TTC21B: variants seen among roughly 807,000 people sequenced by gnomAD.
The protein encoded by TTC21B is tetratricopeptide repeat protein 21B.
Under a neutral mutation model 175.1 loss-of-function variants are expected in TTC21B, and 127 were observed. The ratio of observed to expected loss-of-function variants is 0.73; its 90% CI spans 0.63 to 0.84. The LOEUF (loss-of-function observed/expected upper bound fraction) is 0.84, where lower values mean the gene tolerates loss of function less well. Ranked by LOEUF, TTC21B falls within the 40% of genes least tolerant of loss-of-function variation. The probability of loss-of-function intolerance (pLI) is 0.00; values close to 1 mark genes in which losing one functional copy is unlikely to be tolerated. For missense variants in TTC21B, 1,561 were observed against 1,558.3 expected (o/e 1.00, Z -0.03); for synonymous variants, 524 against 524.5 (o/e 1.00, Z 0.01).
At chr2:165,879,817 G>A (rs1474766526) in intron 27 of TTC21B, 5 of 151,992 alleles carry the variant, frequency 3.3e-5, no homozygotes, top group Non-Finnish European at 7.4e-5. Context: ...CACAGTTTGG[G>A]AAACACTATT....
At chr2:165,900,711 T>A (rs1165930946) in intron 20 of TTC21B, among the ~76,000 whole-genome samples, 1 of 152,138 alleles carries the variant, frequency 6.6e-6, no homozygotes, top group East Asian at 1.9e-4. Flanking sequence ...TAAATCCAGG[T>A]ATTTGTGATT....
At chr2:165,900,492 A>G (rs1685523110) in intron 20 of TTC21B, among the ~76,000 whole-genome samples, 1 of 152,210 alleles carries the variant, frequency 6.6e-6, no homozygotes, top group Non-Finnish European at 1.5e-5. Context: ...AATCTCTCCA[A>G]ATCCTCTCAG....
intron 6 of TTC21B, among the ~76,000 whole-genome samples, chr2:165,936,639 A>T (rs1687159120): frequency 6.6e-6 from 1 of 152,096 alleles, no homozygotes. Flanking sequence ...AAAGACCTTA[A>T]CAAACACATA....
In TTC21B at chr2:165,949,445, G is replaced by C. The variant is rs778718920; in HGVS notation, c.211C>G (p.Leu71Val). ...TATATCAGTGCAAGTAGAGAACAAAGTGATACATCTTGTTTATTTTTAATA... is the reference window on the plus strand; with the variant it reads ...TATATCAGTGCAAGTAGAGAACAAACTGATACATCTTGTTTATTTTTAATA... ...EAIKNKQDVSLCSLLALIYAH... is the reference protein window; with the variant it reads ...EAIKNKQDVSVCSLLALIYAH... The change falls in exon 3 of 29, where the codon CTT becomes GTT. Residue 71 changes from leucine to valine, a missense_variant. Leu to Val is a conservative substitution (Grantham distance 32). Transcript: ENST00000243344. The C allele has an allele frequency of 2.5e-6, 4 of 1,613,682 alleles. No homozygotes were observed. Among genetic ancestry groups the C allele is most frequent in the Non-Finnish European group, 3.4e-6 (4 of 1,179,816 alleles).
rs1457024463 is a variant in TTC21B at position 165,883,997 on chromosome 2, A to G, written c.3481T>C (p.Leu1161=). 31 of 1,614,082 alleles carry G rather than the reference A, an allele frequency of 1.9e-5. No homozygotes were observed. The highest frequency in any genetic ancestry group is 2.6e-5 in the Non-Finnish European group (31 of 1,179,980). ...ATCATATAAGCCGTTGCCATTCCCAAGAGCGCTGGGATATGCTCCTTCTAT... is the reference window on the plus strand; with the variant it reads ...ATCATATAAGCCGTTGCCATTCCCAGGAGCGCTGGGATATGCTCCTTCTAT... ...ASEKEHIPAL[L]GMATAYMILK... is the part of the protein sequence containing the mutation. The change falls in exon 26 of 29, where the codon TTG becomes CTG. Residue 1161 remains leucine, a synonymous_variant. Transcript: ENST00000243344.
intron 27 of TTC21B, among the ~76,000 whole-genome samples, chr2:165,879,463 G>C (rs1278309478): frequency 6.6e-6 from 1 of 152,208 alleles, no homozygotes; most frequent in Admixed American, 6.5e-5. Context: ...ACAGATGAGG[G>C]AAGACCTGAG....
chr2:165,911,064 T>C (rs1426771227), intron 18 of TTC21B, among the ~76,000 whole-genome samples: 1 of 152,152 alleles, frequency 6.6e-6, no homozygotes, highest in Non-Finnish European at 1.5e-5. Flanking sequence ...AAATATGAGA[T>C]AGCTGTAATT....
At chr2:165,911,675 T>G (rs1465785510) in intron 17 of TTC21B, among the ~76,000 whole-genome samples, 1 of 151,852 alleles carries the variant, frequency 6.6e-6, no homozygotes, top group Non-Finnish European at 1.5e-5. Context: ...TATATTTTTT[T>G]TTTTTGAGTC....
chr2:165,917,049 T>C (rs1475114432), intron 14 of TTC21B, among the ~76,000 whole-genome samples: 2 of 152,072 alleles, frequency 1.3e-5, no homozygotes, highest in Non-Finnish European at 2.9e-5. Context: ...GCTCATTTTT[T>C]TGTATTTTTA....
At chr2:165,928,853 T>A (rs1686775895) in intron 11 of TTC21B, 2 of 384,062 alleles carry the variant, frequency 5.2e-6, no homozygotes, top group South Asian at 4.7e-5. Context: ...TGGTAGCAAA[T>A]ATAAGGTAGG....
At chr2:165,937,111 T>A (rs934331520) in intron 6 of TTC21B, among the ~76,000 whole-genome samples, 5 of 151,934 alleles carry the variant, frequency 3.3e-5, no homozygotes, top group African/African-American at 1.2e-4. Context: ...GTACTAAAAA[T>A]AAATGAACTA....
chr2:165,928,822 A>G (rs1162597031), intron 11 of TTC21B: 10 of 344,722 alleles, frequency 2.9e-5, no homozygotes, highest in Non-Finnish European at 5.0e-5. Flanking sequence ...TGGGATAGAC[A>G]TTGACAGTGA....
At chr2:165,885,920 A>T (rs1345785799) in intron 25 of TTC21B, among the ~76,000 whole-genome samples, 1 of 152,226 alleles carries the variant, frequency 6.6e-6, no homozygotes, top group Non-Finnish European at 1.5e-5. Flanking sequence ...GGATGTGGAC[A>T]ATACAGCTGT....
rs772985630 is a variant in TTC21B at position 165,919,447 on chromosome 2, C to T, written c.1517-14G>A. On this transcript the variant is annotated splice_polypyrimidine_tract_variant and intron_variant, in intron 12 of 28. Coordinates refer to ENST00000243344, the MANE Select transcript of TTC21B (RefSeq NM_024753.5). ...CTTCAATATCACCTAATAAGAAAAA[C>T]AATGCATTGTTATAATTCAAATGAT... 6 of 1,612,870 alleles carry T rather than the reference C, an allele frequency of 3.7e-6. No homozygotes were observed. Among genetic ancestry groups the T allele is most frequent in the Non-Finnish European group, 4.2e-6 (5 of 1,179,000 alleles).
intron 8 of TTC21B, among the ~76,000 whole-genome samples, chr2:165,930,732 G>GGTGTGTGTGTGTGTGTGTGTGT: frequency 8.2e-4 from 91 of 110,830 alleles, no homozygotes; most frequent in Non-Finnish European, 1.5e-3. Flanking sequence ...TGGGTATGGG[G>GGTGTGTGTGTGTGTGTGTGTGT]GTGTGTGTGT....
chr2:165,912,711 A>G (rs541899573), intron 16 of TTC21B, 87 bp from the exon 17 acceptor site: 2 of 957,290 alleles, frequency 2.1e-6, no homozygotes, highest in Non-Finnish European at 3.4e-6. Context: ...ATTAATCTCT[A>G]CATTTGTAAT....
intron 7 of TTC21B, 126 bp downstream of exon 7, chr2:165,932,847 C>T (rs956466901): frequency 1.5e-5 from 13 of 842,532 alleles, no homozygotes; most frequent in Non-Finnish European, 1.7e-5. Flanking sequence ...CTAAAAACTA[C>T]CATGATGTAT....
chr2:165,927,324 TATATATA>T (rs1166651603), intron 11 of TTC21B, among the ~76,000 whole-genome samples: 29 of 59,210 alleles, frequency 4.9e-4, no homozygotes, highest in African/African-American at 1.1e-3. Context: ...TTATATAATA[TATATATA>T]ATATATAATA....
chr2:165,876,072 T>C lies in TTC21B; in HGVS notation c.3873+93A>G, dbSNP rs1378022281. On this transcript the variant is annotated intron_variant, in intron 28 of 28. Coordinates refer to ENST00000243344, the MANE Select transcript of TTC21B (RefSeq NM_024753.5). ...TAAATCATTTAACTAAAATAATGTATCCTCTATTTCTATTCACATACATCT... is the reference window on the plus strand; with the variant it reads ...TAAATCATTTAACTAAAATAATGTACCCTCTATTTCTATTCACATACATCT... 3.9e-6 allele frequency: 3 copies of C among 766,974 alleles called. No homozygotes were observed. The East Asian group carries it at 7.5e-5, about 19-fold the overall frequency. The allele number at this position is 766,974 out of a possible 1,614,324, so 47.5% of individuals were successfully genotyped here.
Sources: gnomAD v4.1 joint callset for allele counts (sites outside exome capture counted in the v4.1 genomes callset) on GRCh38, gnomAD v4.1.1 for gene constraint, MANE v1.5 for transcripts, NCBI Gene and HGNC (gene_info 2026-07-23, HGNC 2026-07-21) for gene names.